Variants in SLC14A2 observed in about 807,000 individuals in gnomAD.
The protein encoded by SLC14A2 is urea transporter 2.
Under a neutral mutation model 104.6 loss-of-function variants are expected in SLC14A2, and 91 were observed. The ratio of observed to expected loss-of-function variants is 0.87; its 90% CI spans 0.73 to 1.04. SLC14A2 has a LOEUF of 1.04. Ranked by LOEUF, SLC14A2 falls within the 50% of genes least tolerant of loss-of-function variation. SLC14A2 has a pLI of 0.00. For missense variants in SLC14A2, 1,189 were observed against 1,156.0 expected, an observed-to-expected ratio of 1.03 and a Z score of -0.41; for synonymous variants, 476 against 466.4, an observed-to-expected ratio of 1.02 and a Z score of -0.27.
intron 1 of SLC14A2, among the ~76,000 whole-genome samples, chr18:45,391,618 C>G (rs1309766173): frequency 8.5e-5 from 13 of 152,226 alleles, no homozygotes; most frequent in Non-Finnish European, 7.3e-5. Flanking sequence ...GATCACCATT[C>G]TAACTGGTGT....
At chr18:45,505,422 A>T (rs534830742) in intron 2 of SLC14A2, among the ~76,000 whole-genome samples, 26 of 152,264 alleles carry the variant, frequency 1.7e-4, no homozygotes, top group African/African-American at 5.3e-4. Context: ...AAAAAGAGGG[A>T]AGACGGAGTG....
At chr18:45,470,145 G>T (rs999615474) in intron 1 of SLC14A2, among the ~76,000 whole-genome samples, 2 of 151,762 alleles carry the variant, frequency 1.3e-5, no homozygotes, top group Admixed American at 6.6e-5. Context: ...TGTTTTTTTG[G>T]TGCATAAATA....
At chr18:45,186,161 C>T in the SLC14A2 span, among the ~76,000 whole-genome samples, 10 of 152,124 alleles carry the variant, frequency 6.6e-5, no homozygotes, top group Middle Eastern at 3.4e-3. Context: ...TACCTACAAC[C>T]GAAAACAACT....
At chr18:45,464,846 T>G (rs958913970) in intron 1 of SLC14A2, among the ~76,000 whole-genome samples, 1 of 152,248 alleles carries the variant, frequency 6.6e-6, no homozygotes, top group East Asian at 1.9e-4. Flanking sequence ...CTGGGCCCAA[T>G]GCCAACCTCC....
intron 6 of SLC14A2, 52 bp from the exon 7 acceptor site, chr18:45,639,694 T>G (rs1466791331): frequency 3.1e-6 from 5 of 1,591,870 alleles, no homozygotes; most frequent in Middle Eastern, 1.7e-4. Context: ...CTGAGTCTGG[T>G]TTTTGCATTA....
intron 1 of SLC14A2, among the ~76,000 whole-genome samples, chr18:45,470,526 C>T (rs1210747520): frequency 6.6e-6 from 1 of 152,114 alleles, no homozygotes; most frequent in East Asian, 1.9e-4. Context: ...CTTTCACTAA[C>T]AGTTATGGTT....
intron 2 of SLC14A2, among the ~76,000 whole-genome samples, chr18:45,577,992 G>A (rs1005799842): frequency 2.0e-5 from 3 of 152,154 alleles, no homozygotes; most frequent in African/African-American, 7.2e-5. Context: ...CCACTTCCAT[G>A]GATAACTCAC....
At chr18:45,369,388 G>A (rs1301096898) in intron 1 of SLC14A2, among the ~76,000 whole-genome samples, 1 of 152,070 alleles carries the variant, frequency 6.6e-6, no homozygotes. Flanking sequence ...TTAATTTGAT[G>A]CCCACCCCAG....
intron 1 of SLC14A2, among the ~76,000 whole-genome samples, chr18:45,320,928 CA>C (rs1376292962): frequency 6.6e-6 from 1 of 152,172 alleles, no homozygotes; most frequent in Non-Finnish European, 1.5e-5. Flanking sequence ...ATTGCATCAT[CA>C]GTGCTCATGG....
At chr18:45,281,436 C>G (rs1380398671) in intron 1 of SLC14A2, among the ~76,000 whole-genome samples, 1 of 152,178 alleles carries the variant, frequency 6.6e-6, no homozygotes, top group African/African-American at 2.4e-5. Flanking sequence ...ACATGAACAA[C>G]AAAATGTCGG....
intron 2 of SLC14A2, among the ~76,000 whole-genome samples, chr18:45,522,602 G>A (rs916738118): frequency 3.3e-5 from 5 of 152,100 alleles, no homozygotes; most frequent in East Asian, 1.9e-4. Flanking sequence ...GTTCTCCATC[G>A]ACCTCTAAAA....
intron 1 of SLC14A2, among the ~76,000 whole-genome samples, chr18:45,360,528 C>T (rs2085600150): frequency 6.6e-6 from 1 of 152,210 alleles, no homozygotes; most frequent in African/African-American, 2.4e-5. Flanking sequence ...ATCCCATTTT[C>T]TAAAGGCTTC....
chr18:45,533,005 G>A (rs1174875356), intron 2 of SLC14A2, among the ~76,000 whole-genome samples: 1 of 152,148 alleles, frequency 6.6e-6, no homozygotes. Context: ...TACGTTTATT[G>A]ATTTGCGTAT....
chr18:45,262,710 G>A (rs922048909), intron 1 of SLC14A2, among the ~76,000 whole-genome samples: 11 of 152,080 alleles, frequency 7.2e-5, no homozygotes, highest in Non-Finnish European at 1.3e-4. Flanking sequence ...CACAAGGCCC[G>A]GTCCTGAGTA....
intron 2 of SLC14A2, among the ~76,000 whole-genome samples, chr18:45,485,494 A>G (rs897735229): frequency 1.3e-5 from 2 of 152,282 alleles, no homozygotes; most frequent in East Asian, 3.9e-4. Context: ...ATTTCAGTTT[A>G]TAGAGGCCAT....
intron 1 of SLC14A2, among the ~76,000 whole-genome samples, chr18:45,234,230 G>T (rs1466169346): frequency 6.6e-6 from 1 of 152,160 alleles, no homozygotes; most frequent in African/African-American, 2.4e-5. Flanking sequence ...TACCAAAGAT[G>T]ATTGCCCTAA....
chr18:45,458,496 A>G (rs1406536065), intron 1 of SLC14A2, among the ~76,000 whole-genome samples: 1 of 152,086 alleles, frequency 6.6e-6, no homozygotes, highest in African/African-American at 2.4e-5. Context: ...ACACTCCCAA[A>G]TCTCTCTACT....
chr18:45,293,652 A>T (rs2084892733), intron 1 of SLC14A2, among the ~76,000 whole-genome samples: 1 of 152,196 alleles, frequency 6.6e-6, no homozygotes, highest in Non-Finnish European at 1.5e-5. Context: ...TAGTTAAATC[A>T]AGGCAAGTTT....
chr18:45,206,643 C>G, the SLC14A2 span, among the ~76,000 whole-genome samples: 1 of 152,128 alleles, frequency 6.6e-6, no homozygotes, highest in Non-Finnish European at 1.5e-5. Context: ...ATATTACTTT[C>G]CCTGTGTATG....
Sources: gnomAD v4.1 joint callset for allele counts (sites outside exome capture counted in the v4.1 genomes callset) on GRCh38, gnomAD v4.1.1 for gene constraint, MANE v1.5 for transcripts, NCBI Gene and HGNC (gene_info 2026-07-23, HGNC 2026-07-21) for gene names.